FCGR2A: variants seen among roughly 807,000 people sequenced by gnomAD.
The protein encoded by FCGR2A is Fc gamma receptor IIa.
In FCGR2A, 18 loss-of-function variants were observed where a neutral mutation model predicts 29.3. That is an observed-to-expected ratio of 0.62 (90% confidence interval 0.43 to 0.91). FCGR2A has a LOEUF of 0.91. FCGR2A is among the 40% of genes least tolerant of loss of function. FCGR2A has a pLI of 0.00. For synonymous variants in FCGR2A, 126 were observed against 144.8 expected, an observed-to-expected ratio of 0.87 and a Z score of 0.93; for missense variants, 287 against 393.0, an observed-to-expected ratio of 0.73 and a Z score of 2.28.
At position 161,519,741 on chromosome 1, in the gene FCGR2A, T is replaced by C. The variant is rs1400434040; in HGVS notation, c.*1593T>C. ...GAGTGCCCCTCTTCTTAGAACTGAA[T>C]ACTCTTCTTCTAATGAACTTGTATT... On this transcript the variant is annotated 3_prime_UTR_variant, in exon 7 of 7. Coordinates refer to ENST00000271450, the MANE Select transcript of FCGR2A (RefSeq NM_001136219.3). The C allele has an allele frequency of 6.6e-6, 1 of 152,088 alleles. No individual in the cohort carries two copies. Among genetic ancestry groups the C allele is most frequent in the Non-Finnish European group, 1.5e-5 (1 of 68,012 alleles). The allele number at this position is 152,088 out of a possible 1,614,324, so 9.4% of individuals were successfully genotyped here.
chr1:161,517,522 C>A (rs1483940907), intron 6 of FCGR2A, among the ~76,000 whole-genome samples: 1 of 152,152 alleles, frequency 6.6e-6, no homozygotes, highest in African/African-American at 2.4e-5. Context: ...TAATAAATAA[C>A]TGGTTGGTTA....
At chr1:161,511,829 A>T (rs566384381) in intron 5 of FCGR2A, among the ~76,000 whole-genome samples, 1 of 152,142 alleles carries the variant, frequency 6.6e-6, no homozygotes, top group Non-Finnish European at 1.5e-5. Context: ...CCAGGTGAAT[A>T]CAGAGTTGTC....
At chr1:161,514,258 G>A (rs2446625) in intron 6 of FCGR2A, among the ~76,000 whole-genome samples, 54,513 of 142,776 alleles carry the variant, frequency 0.38, 10,566 homozygotes, top group African/African-American at 0.47. Context: ...GAACACTTCA[G>A]TAAGGTACCT....
rs1438040374 is a variant in FCGR2A at position 161,518,776 on chromosome 1, T to C, written c.*628T>C. 1 of 155,682 alleles carries C rather than the reference T, an allele frequency of 6.4e-6. No homozygotes were observed. Among genetic ancestry groups the C allele is most frequent in the Non-Finnish European group, 1.4e-5 (1 of 70,430 alleles). The allele number at this position is 155,682 out of a possible 1,614,324, so 9.6% of individuals were successfully genotyped here. A position where few individuals can be genotyped will look rare whatever the true frequency, so the allele number is the denominator to read the frequency against. ...GGCATGTGCCATCATACCCAGCTAA[T>C]TTTTGTATTTTTTATTTTTTTTTTT... On this transcript the variant is annotated 3_prime_UTR_variant, in exon 7 of 7. Transcript: ENST00000271450.
chr1:161,510,769 G>T, intron 4 of FCGR2A, 65 bp from the exon 5 acceptor site: 2 of 1,594,424 alleles, frequency 1.3e-6, no homozygotes, highest in Non-Finnish European at 1.7e-6. Flanking sequence ...GTGGGACAGG[G>T]AGAATACAAA....
At position 161,506,555 on chromosome 1, in the gene FCGR2A, A is replaced by G; in HGVS notation, c.328A>G (p.Ser110Gly). The part of the protein sequence containing the change: ...GEYTCQTGQT[S>G]LSDPVHLTVL... ...GTACACGTGCCAGACTGGCCAGACC[A>G]GCCTCAGCGACCCTGTGCATCTGAC... The change falls in exon 3 of 7, where the codon AGC (serine) becomes GGC (glycine). Residue 110 changes from serine (S) to glycine (G), a missense_variant. This residue lies in a region of FCGR2A where 181 missense variants were observed against 250.9 expected (regional missense o/e 0.72). Coordinates refer to ENST00000271450, the MANE Select transcript of FCGR2A (RefSeq NM_001136219.3). 6.2e-7 allele frequency: 1 copy of G among 1,614,190 alleles called. No individual in the cohort carries two copies. Among genetic ancestry groups the G allele is most frequent in the Non-Finnish European group, 8.5e-7 (1 of 1,180,014 alleles).
At chr1:161,510,785 T>C (rs1201287274) in intron 4 of FCGR2A, 49 bp from the exon 5 acceptor site, 1 of 1,608,804 alleles carries the variant, frequency 6.2e-7, no homozygotes, top group Non-Finnish European at 8.5e-7. Context: ...ACAAACGTTG[T>C]CATTAAAATA....
At chr1:161,511,508 A>G (rs1675773057) in intron 5 of FCGR2A, among the ~76,000 whole-genome samples, 1 of 152,228 alleles carries the variant, frequency 6.6e-6, no homozygotes, top group African/African-American at 2.4e-5. Context: ...AAGGCAGAGC[A>G]AGCCTCAGAC....
chr1:161,511,560 C>T (rs1391860063), intron 5 of FCGR2A, among the ~76,000 whole-genome samples: 2 of 152,224 alleles, frequency 1.3e-5, no homozygotes, highest in African/African-American at 4.8e-5. Flanking sequence ...TGGGCGTCCC[C>T]ATGGGTGAGC....
intron 5 of FCGR2A, 149 bp downstream of exon 5, chr1:161,511,105 C>T: frequency 7.7e-7 from 1 of 1,301,946 alleles, no homozygotes; most frequent in Non-Finnish European, 1.1e-6. Flanking sequence ...ATTAGTTCAT[C>T]CTCAACAAGA....
chr1:161,511,085 T>G, intron 5 of FCGR2A, 129 bp downstream of exon 5: 1 of 1,391,606 alleles, frequency 7.2e-7, no homozygotes, highest in Non-Finnish European at 1.0e-6. Flanking sequence ...TTTTATTTAT[T>G]AGTTCATTTA....
At chr1:161,521,845 G>A (rs564295538), downstream of FCGR2A, among the ~76,000 whole-genome samples, 5 of 152,138 alleles carry the variant, frequency 3.3e-5, no homozygotes, top group East Asian at 7.7e-4. Flanking sequence ...AAATTGCCCC[G>A]TCTCAGGTAT....
downstream of FCGR2A, chr1:161,523,355 C>T (rs940067990): frequency 4.6e-5 from 7 of 152,188 alleles, no homozygotes; most frequent in African/African-American, 1.7e-4. Context: ...GAAATGGCCT[C>T]AATTCACAAA....
At chr1:161,505,868 T>G in intron 1 of FCGR2A, 119 bp from the exon 2 acceptor site, 3 of 945,786 alleles carry the variant, frequency 3.2e-6, no homozygotes, top group Non-Finnish European at 5.2e-6. Context: ...AACAGGATCT[T>G]GAGATGGGTC....
chr1:161,506,743 T>A, intron 3 of FCGR2A, 152 bp downstream of exon 3: 6 of 1,385,486 alleles, frequency 4.3e-6, no homozygotes, highest in Non-Finnish European at 5.8e-6. Flanking sequence ...TCACCCACCC[T>A]CTTTGCTTAG....
chr1:161,510,475 T>G (rs1245877518), intron 4 of FCGR2A: 1 of 450,280 alleles, frequency 2.2e-6, no homozygotes, highest in Non-Finnish European at 4.1e-6. Context: ...TGTTCAAGGC[T>G]GTGCTCCATA....
At chr1:161,520,144 G>C (rs1392838084), downstream of FCGR2A, among the ~76,000 whole-genome samples, 1 of 151,964 alleles carries the variant, frequency 6.6e-6, no homozygotes, top group Non-Finnish European at 1.5e-5. Flanking sequence ...CAAACTCTAT[G>C]TATTAGTCTG....
In FCGR2A at chr1:161,518,356, A is replaced by G; in HGVS notation, c.*208A>G. On this transcript the variant is annotated 3_prime_UTR_variant, in exon 7 of 7. Transcript: ENST00000271450. ...CATACTACATACAAGCATAAGCAAA[A>G]CTTAACTTGGATCATTTCTGGTAAA... 1.1e-6 allele frequency: 1 copy of G among 931,044 alleles called. No homozygotes were observed. The highest frequency in any genetic ancestry group is 1.6e-6 in the Non-Finnish European group (1 of 641,142). The allele number at this position is 931,044 out of a possible 1,614,324, so 57.7% of individuals were successfully genotyped here.
intron 6 of FCGR2A, among the ~76,000 whole-genome samples, chr1:161,517,098 G>T (rs1455664686): frequency 2.1e-5 from 3 of 145,164 alleles, no homozygotes; most frequent in Non-Finnish European, 4.5e-5. Flanking sequence ...TCACCTAGCT[G>T]CCCTCTAAAC....
Sources: gnomAD v4.1 joint callset for allele counts (sites outside exome capture counted in the v4.1 genomes callset) on GRCh38, gnomAD v4.1.1 for gene constraint, gnomAD v4.1.1 regional missense constraint, MANE v1.5 for transcripts, NCBI Gene and HGNC (gene_info 2026-07-23, HGNC 2026-07-21) for gene names.